Variants in TMOD2 observed in about 807,000 individuals in gnomAD.
The protein encoded by TMOD2 is tropomodulin-2.
TMOD2 carries 22 observed loss-of-function variants against 39.9 expected under a neutral mutation model. The observed-to-expected ratio is 0.55, with a 90% CI of 0.39 to 0.79. The LOEUF is 0.79. Ranked by LOEUF, TMOD2 falls within the 30% of genes least tolerant of loss-of-function variation. TMOD2 has a pLI of 0.00. For missense variants in TMOD2, 386 were observed against 413.3 expected, an observed-to-expected ratio of 0.93 and a Z score of 0.57; for synonymous variants, 123 against 146.1, an observed-to-expected ratio of 0.84 and a Z score of 1.14.
chr15:51,783,032 A>G (rs2055942305), intron 7 of TMOD2: 1 of 551,346 alleles, frequency 1.8e-6, no homozygotes, highest in South Asian at 2.2e-5. Flanking sequence ...TTTTGTCAGC[A>G]TTACAGTTTT....
chr15:51,758,856 A>G (rs553344369), intron 1 of TMOD2, among the ~76,000 whole-genome samples: 8 of 152,166 alleles, frequency 5.3e-5, no homozygotes, highest in Non-Finnish European at 8.8e-5. Context: ...GAGCAGAGAG[A>G]ACAACATAAG....
intron 5 of TMOD2, among the ~76,000 whole-genome samples, chr15:51,778,244 A>G (rs1003560706): frequency 6.7e-6 from 1 of 149,646 alleles, no homozygotes; most frequent in African/African-American, 2.5e-5. Flanking sequence ...AGGACAAAAA[A>G]CCAACACCGC....
chr15:51,766,598 T>C lies in TMOD2; in HGVS notation c.126+31T>C, dbSNP rs774973492. The C allele has an allele frequency of 1.3e-5, 21 of 1,608,338 alleles. No homozygotes were observed. The East Asian group carries it at 3.1e-4, about 24-fold the overall frequency. On this transcript the variant is annotated intron_variant, in intron 2 of 9. Coordinates refer to ENST00000249700, the MANE Select transcript of TMOD2 (RefSeq NM_014548.4). Reference sequence around the variant, plus strand: ...TGACATGGAACTGAAGCAGAGTGGTTAATGATAGTATGGATAAATGGCATG... The same window carrying C: ...TGACATGGAACTGAAGCAGAGTGGTCAATGATAGTATGGATAAATGGCATG...
intron 8 of TMOD2, among the ~76,000 whole-genome samples, chr15:51,800,669 C>T (rs889069163): frequency 6.6e-6 from 1 of 152,162 alleles, no homozygotes; most frequent in African/African-American, 2.4e-5. Flanking sequence ...CATTTTGCTT[C>T]TGAAATGGCT....
intron 3 of TMOD2, 36 bp from the exon 4 acceptor site, chr15:51,773,676 A>G: frequency 6.3e-7 from 1 of 1,577,878 alleles, no homozygotes; most frequent in Non-Finnish European, 8.6e-7. Context: ...ATAAGGCAGT[A>G]GTACTCAATA....
chr15:51,764,173 C>T (rs773115943), intron 1 of TMOD2, among the ~76,000 whole-genome samples: 9 of 152,126 alleles, frequency 5.9e-5, no homozygotes, highest in Middle Eastern at 3.4e-3. Flanking sequence ...CCTGTAGTCC[C>T]GGGCTTCGTG....
chr15:51,786,206 C>A (rs149161136), intron 7 of TMOD2, among the ~76,000 whole-genome samples: 2 of 152,124 alleles, frequency 1.3e-5, no homozygotes, highest in Admixed American at 6.5e-5. Context: ...CCGAATCCCC[C>A]CTTCTCAAGG....
In TMOD2 at chr15:51,779,191, C is replaced by T. The variant is rs142241016; in HGVS notation, c.494-1853C>T. Among the ~76,000 whole-genome samples, 253 of 152,216 alleles carry T rather than the reference C, an allele frequency of 1.7e-3. 1 individual carries two copies. Among genetic ancestry groups the T allele is most frequent in the Non-Finnish European group, 2.6e-3 (180 of 68,022 alleles). On this transcript the variant is annotated intron_variant, in intron 5 of 9. Transcript: ENST00000249700. ...GCTTAGTCTGGCCTTTCTTGTTATG[C>T]ATATGGATAAAAAATGCTCATCCTT...
At chr15:51,778,520 A>AG (rs368424339) in intron 5 of TMOD2, among the ~76,000 whole-genome samples, 1 of 149,580 alleles carries the variant, frequency 6.7e-6, no homozygotes, top group Non-Finnish European at 1.5e-5. Context: ...AAAAAAAAAA[A>AG]GAAAGAAAGA....
At chr15:51,770,433 T>G (rs1480213579) in intron 3 of TMOD2, among the ~76,000 whole-genome samples, 1 of 152,182 alleles carries the variant, frequency 6.6e-6, no homozygotes, top group Non-Finnish European at 1.5e-5. Flanking sequence ...CTTTTTTTTA[T>G]CCTGGCACAG....
rs1448990329 is a variant in TMOD2 at position 51,815,307 on chromosome 15, TGG to T, written c.*6856_*6857del. ...ATACTATCTTGCTCCTCAGAACCAG[TGG>T]GGAAGAAGAGGGAAGGCAAAGAAAG... On this transcript the variant is annotated 3_prime_UTR_variant, in exon 10 of 10. Transcript: ENST00000249700. 2.0e-5 allele frequency: 3 copies of T among 152,732 alleles called. No individual in the cohort carries two copies. Among genetic ancestry groups the T allele is most frequent in the Non-Finnish European group, 4.4e-5 (3 of 68,568 alleles). The allele number at this position is 152,732 out of a possible 1,614,324, so 9.5% of individuals were successfully genotyped here.
intron 7 of TMOD2, among the ~76,000 whole-genome samples, chr15:51,791,530 A>G (rs2056012000): frequency 6.6e-6 from 1 of 152,218 alleles, no homozygotes; most frequent in Admixed American, 6.5e-5. Context: ...GGAACCAAAA[A>G]AGAGCCTGCA....
intron 7 of TMOD2, among the ~76,000 whole-genome samples, chr15:51,789,808 C>A (rs1018920046): frequency 6.6e-6 from 1 of 152,126 alleles, no homozygotes; most frequent in African/African-American, 2.4e-5. Flanking sequence ...CCTTTGAAAC[C>A]AATGAGAACA....
chr15:51,802,483 G>A lies in TMOD2; in HGVS notation c.877-3894G>A, dbSNP rs192992387. Among the ~76,000 whole-genome samples the A allele has an allele frequency of 7.2e-5, 11 of 152,308 alleles. No homozygotes were observed. In the East Asian group the frequency reaches 7.7e-4, roughly 11 times the overall value. On this transcript the variant is annotated intron_variant, in intron 8 of 9. Coordinates refer to ENST00000249700, the MANE Select transcript of TMOD2 (RefSeq NM_014548.4). ...AACAAAGCAGCTGTAAGGATGCTGA[G>A]CAGAATTTAAACTACTAGGAAAATA...
chr15:51,805,824 T>C (rs1185591842), intron 8 of TMOD2, among the ~76,000 whole-genome samples: 1 of 152,108 alleles, frequency 6.6e-6, no homozygotes, highest in Non-Finnish European at 1.5e-5. Context: ...AGAAAAAGTA[T>C]TGGAAATGAA....
At chr15:51,771,671 CAAAG>C (rs926719847) in intron 3 of TMOD2, among the ~76,000 whole-genome samples, 1 of 151,974 alleles carries the variant, frequency 6.6e-6, no homozygotes, top group Non-Finnish European at 1.5e-5. Context: ...TCTTTAAAAA[CAAAG>C]AAAGAAAGAA....
chr15:51,772,203 G>A (rs1595866252), intron 3 of TMOD2, among the ~76,000 whole-genome samples: 1 of 152,120 alleles, frequency 6.6e-6, no homozygotes, highest in African/African-American at 2.4e-5. Flanking sequence ...AGAGAACTTG[G>A]GTCCCAATGG....
At chr15:51,793,251 C>A (rs2056025123) in intron 7 of TMOD2, among the ~76,000 whole-genome samples, 1 of 152,216 alleles carries the variant, frequency 6.6e-6, no homozygotes, top group African/African-American at 2.4e-5. Flanking sequence ...ACTTTCACAT[C>A]ATGGTAAATT....
At chr15:51,795,710 A>G (rs1473408625) in intron 7 of TMOD2, among the ~76,000 whole-genome samples, 1 of 146,978 alleles carries the variant, frequency 6.8e-6, no homozygotes, top group Non-Finnish European at 1.5e-5. Context: ...AGGTTTTCTC[A>G]TAATTTCTAT....
Sources: gnomAD v4.1 joint callset for allele counts (sites outside exome capture counted in the v4.1 genomes callset) on GRCh38, gnomAD v4.1.1 for gene constraint, MANE v1.5 for transcripts, NCBI Gene and HGNC (gene_info 2026-07-23, HGNC 2026-07-21) for gene names.